NDRG1: variants seen among roughly 807,000 people sequenced by gnomAD.
NDRG1 encodes protein NDRG1.
In NDRG1, 32 loss-of-function variants were observed where a neutral mutation model predicts 56.9. That is an observed-to-expected ratio of 0.56 (90% confidence interval 0.42 to 0.76). NDRG1 has a LOEUF of 0.76. NDRG1 is among the 30% of genes least tolerant of loss of function. The pLI, the probability that NDRG1 is intolerant of heterozygous loss-of-function variation, is 0.00. For missense variants in NDRG1, 507 were observed against 545.7 expected, an observed-to-expected ratio of 0.93 and a Z score of 0.71; for synonymous variants, 211 against 204.1, an observed-to-expected ratio of 1.03 and a Z score of -0.29.
intron 3 of NDRG1, among the ~76,000 whole-genome samples, chr8:133,267,884 T>G (rs1046135052): frequency 6.6e-6 from 1 of 152,090 alleles, no homozygotes; most frequent in African/African-American, 2.4e-5. Flanking sequence ...CCAGGCAGGA[T>G]GGGGACTCCC....
At chr8:133,259,842 G>GC (rs532988654) in intron 5 of NDRG1, among the ~76,000 whole-genome samples, 2 of 152,208 alleles carry the variant, frequency 1.3e-5, no homozygotes, top group Non-Finnish European at 2.9e-5. Flanking sequence ...TCATAACAAA[G>GC]CCTATCGAAA....
intron 2 of NDRG1, among the ~76,000 whole-genome samples, chr8:133,282,788 A>T (rs914054282): frequency 4.6e-5 from 7 of 152,224 alleles, no homozygotes; most frequent in Non-Finnish European, 1.0e-4. Context: ...GTGGCCTTCA[A>T]TGCCTAAGAT....
At chr8:133,280,201 A>T in intron 3 of NDRG1, 31 bp downstream of exon 3, 2 of 1,612,534 alleles carry the variant, frequency 1.2e-6, no homozygotes, top group Non-Finnish European at 1.7e-6. Context: ...CGGGATGAGG[A>T]AGGGGAAGGA....
At chr8:133,286,337 C>T (rs940202420) in intron 1 of NDRG1, among the ~76,000 whole-genome samples, 2 of 152,202 alleles carry the variant, frequency 1.3e-5, no homozygotes, top group Non-Finnish European at 2.9e-5. Flanking sequence ...TGTGGTTCAG[C>T]CCAGTTTGGT....
At chr8:133,242,698 G>T (rs1588221286) in intron 14 of NDRG1, among the ~76,000 whole-genome samples, 1 of 145,228 alleles carries the variant, frequency 6.9e-6, no homozygotes, top group East Asian at 2.0e-4. Context: ...GAAAGAAAAG[G>T]ATGGATGGAA....
chr8:133,257,525 A>G (rs1856447920), intron 7 of NDRG1, among the ~76,000 whole-genome samples: 1 of 152,194 alleles, frequency 6.6e-6, no homozygotes, highest in Non-Finnish European at 1.5e-5. Flanking sequence ...ACGCTACCCA[A>G]TACTGCAGGG....
intron 9 of NDRG1, among the ~76,000 whole-genome samples, chr8:133,254,329 A>G (rs1253795506): frequency 6.6e-6 from 1 of 152,232 alleles, no homozygotes; most frequent in Non-Finnish European, 1.5e-5. Context: ...TACTTCAATC[A>G]GCTGTTTTTA....
chr8:133,266,593 C>G (rs897148688), intron 3 of NDRG1, among the ~76,000 whole-genome samples: 1 of 152,158 alleles, frequency 6.6e-6, no homozygotes, highest in Non-Finnish European at 1.5e-5. Context: ...CTGTGAGTGA[C>G]CCCCCGTGAA....
At chr8:133,292,183 T>C (rs983291080) in intron 1 of NDRG1, among the ~76,000 whole-genome samples, 3 of 152,156 alleles carry the variant, frequency 2.0e-5, no homozygotes, top group African/African-American at 7.2e-5. Context: ...CTGCGCTGGA[T>C]GGTCTGAGAT....
intron 1 of NDRG1, among the ~76,000 whole-genome samples, chr8:133,295,303 A>G (rs545822391): frequency 2.1e-4 from 32 of 152,312 alleles, no homozygotes; most frequent in Non-Finnish European, 4.1e-4. Context: ...GGGCCAGGTT[A>G]CAGGGCAGGG....
At chr8:133,264,244 C>T (rs901862522) in intron 4 of NDRG1, among the ~76,000 whole-genome samples, 6 of 152,196 alleles carry the variant, frequency 3.9e-5, no homozygotes, top group South Asian at 2.1e-4. Flanking sequence ...TTGTGCTGAT[C>T]GTTGCACAAT....
rs1262283290 is a variant in NDRG1, at chr8:133,237,855, A to G, written c.*1023T>C. The G allele has an allele frequency of 8.6e-6, 2 of 233,074 alleles. No homozygotes were observed. Among genetic ancestry groups the G allele is most frequent in the Admixed American group, 1.1e-4 (2 of 17,762 alleles). The allele number at this position is 233,074 out of a possible 1,614,324, so 14.4% of individuals were successfully genotyped here. On this transcript the variant is annotated 3_prime_UTR_variant, in exon 16 of 16. Transcript: ENST00000323851. ...CCTGGAACCAAGCTGGGATCCACAG[A>G]AATCACAACTGCACTGGATCTCAAC...
intron 13 of NDRG1, 85 bp from the exon 14 acceptor site, chr8:133,244,475 T>C: frequency 6.7e-7 from 1 of 1,498,946 alleles, no homozygotes; most frequent in East Asian, 2.3e-5. Flanking sequence ...AGGATGCCCA[T>C]CCGCCCGCTG....
intron 15 of NDRG1, 164 bp from the exon 16 acceptor site, chr8:133,239,283 G>A (rs1041790593): frequency 7.1e-6 from 8 of 1,133,596 alleles, no homozygotes; most frequent in Non-Finnish European, 7.5e-6. Flanking sequence ...ATGTCCACTC[G>A]GAGAGAGAGA....
chr8:133,279,033 G>A (rs1857622201), intron 3 of NDRG1, among the ~76,000 whole-genome samples: 1 of 152,032 alleles, frequency 6.6e-6, no homozygotes, highest in Non-Finnish European at 1.5e-5. Context: ...GGGGTTATAG[G>A]TGCTTACCAC....
chr8:133,239,093 T>A lies in NDRG1; in HGVS notation c.970A>T (p.Met324Leu). ...YMPSASMTRL[M>L]RSRTASGSSV... ...GAACCAGAGGCTGTGCGGGACCGCA[T>A]CAGGCGGGTCATGCTAGCCGAGGGC... The change falls in exon 16 of 16, where the codon ATG becomes TTG. Residue 324 changes from methionine to leucine, a missense_variant. Transcript: ENST00000323851. 6.4e-7 allele frequency: 1 copy of A among 1,565,404 alleles called. No individual in the cohort carries two copies. Among genetic ancestry groups the A allele is most frequent in the Non-Finnish European group, 8.7e-7 (1 of 1,154,912 alleles).
rs111835070 is a variant in NDRG1, at chr8:133,238,997, T to C, written c.1066A>G (p.Thr356Ala). ...GAGCGGCTGCGGGTGCCCTCGCTGGTGTGGGAGCGGCTTCGGGTGCCCTCG... is the reference window on the plus strand; with the variant it reads ...GAGCGGCTGCGGGTGCCCTCGCTGGCGTGGGAGCGGCTTCGGGTGCCCTCG... ...TSEGTRSRSHTSEGTRSRSHT... is the reference protein window; with the variant it reads ...TSEGTRSRSHASEGTRSRSHT... Residue 356 changes from threonine to alanine, a missense_variant, in exon 16 of 16, where the codon ACC (threonine) becomes GCC (alanine). Transcript: ENST00000323851. 1.8e-5 allele frequency: 29 copies of C among 1,595,526 alleles called. 1 individual carries two copies. The highest frequency in any genetic ancestry group is 1.6e-4 in the African/African-American group (12 of 74,394).
chr8:133,256,560 G>C (rs545884756), intron 8 of NDRG1, among the ~76,000 whole-genome samples: 6 of 152,340 alleles, frequency 3.9e-5, no homozygotes, highest in African/African-American at 9.6e-5. Flanking sequence ...CCCTGGCTTA[G>C]ACAGCTTGGT....
Position 133,243,912 on chromosome 8 carries a change from T to G in NDRG1, c.891+443A>C, listed in dbSNP as rs570457174. ...TTTATTTGTACATGTGCACACACAT[T>G]TACACATGCACACAGACATGTGTAC... On this transcript the variant is annotated intron_variant, in intron 14 of 15. Transcript: ENST00000323851. Among the ~76,000 whole-genome samples the G allele has an allele frequency of 1.3e-4, 20 of 152,220 alleles. No homozygotes were observed. The East Asian group carries it at 3.5e-3, about 26-fold the overall frequency.
Sources: gnomAD v4.1 joint callset for allele counts (sites outside exome capture counted in the v4.1 genomes callset) on GRCh38, gnomAD v4.1.1 for gene constraint, MANE v1.5 for transcripts, NCBI Gene and HGNC (gene_info 2026-07-23, HGNC 2026-07-21) for gene names.